FAM117A: variants seen among roughly 807,000 people sequenced by gnomAD.
FAM117A encodes family with sequence similarity 117 member A, also known as protein FAM117A.
FAM117A carries 21 observed loss-of-function variants against 44.1 expected under a neutral mutation model. That is an observed-to-expected ratio of 0.48 (90% CI 0.34 to 0.69). FAM117A has a LOEUF of 0.69. Ranked by LOEUF, FAM117A falls within the 30% of genes least tolerant of loss-of-function variation. The probability of loss-of-function intolerance (pLI) is 0.01; values close to 1 mark genes in which losing one functional copy is unlikely to be tolerated. For synonymous variants in FAM117A, 220 were observed against 238.3 expected (o/e 0.92, Z 0.71); for missense variants, 498 against 589.9 (o/e 0.84, Z 1.61).
In FAM117A at chr17:49,740,876, C is replaced by T. The variant is rs563702831; in HGVS notation, c.197-8156G>A. ...GGCAGGAATGGCATTAGAGGAAAGA[C>T]AGTAGATAATGCAGGAACTGAGGCA... On this transcript the variant is annotated intron_variant, in intron 1 of 7. Coordinates refer to ENST00000240364, the MANE Select transcript of FAM117A (RefSeq NM_030802.4). 4.6e-5 allele frequency among the ~76,000 whole-genome samples: 7 copies of T among 152,306 alleles called. No individual in the cohort carries two copies. The East Asian group carries it at 1.3e-3, about 29-fold the overall frequency.
intron 1 of FAM117A, among the ~76,000 whole-genome samples, chr17:49,786,041 A>T (rs953267942): frequency 6.6e-6 from 1 of 152,118 alleles, no homozygotes; most frequent in Non-Finnish European, 1.5e-5. Flanking sequence ...TTTTTAAAAA[A>T]AGAAGAAGAA....
In FAM117A at chr17:49,749,122, C is replaced by T. The variant is rs543701658; in HGVS notation, c.196+14770G>A. 2.0e-4 allele frequency among the ~76,000 whole-genome samples: 31 copies of T among 152,286 alleles called. 1 individual carries two copies. Among genetic ancestry groups the T allele is most frequent in the African/African-American group, 6.7e-4 (28 of 41,554 alleles). On this transcript the variant is annotated intron_variant, in intron 1 of 7. Coordinates refer to ENST00000240364, the MANE Select transcript of FAM117A (RefSeq NM_030802.4). ...TCACAAGGCGGTGGGTACAAACAAT[C>T]GACTGGTACGTAGCAGAAGAAAGCT... is the stretch of plus-strand genomic sequence containing the variant.
At chr17:49,744,559 A>G (rs2073647110) in intron 1 of FAM117A, among the ~76,000 whole-genome samples, 1 of 151,804 alleles carries the variant, frequency 6.6e-6, no homozygotes, top group Non-Finnish European at 1.5e-5. Flanking sequence ...GGCTCAAGCG[A>G]TTCTCCTGCC....
chr17:49,722,403 G>A, intron 3 of FAM117A, 96 bp downstream of exon 3: 2 of 963,896 alleles, frequency 2.1e-6, no homozygotes, highest in Non-Finnish European at 3.2e-6. Context: ...GGAGAGGTGA[G>A]CAGTGTGACG....
chr17:49,788,265 C>G (rs1227060937), intron 1 of FAM117A, among the ~76,000 whole-genome samples: 1 of 152,150 alleles, frequency 6.6e-6, no homozygotes, highest in Non-Finnish European at 1.5e-5. Flanking sequence ...CAAAACATCC[C>G]TCCGCAACTT....
In FAM117A at chr17:49,722,705, T is replaced by C. The variant is rs576384423; in HGVS notation, c.367-111A>G. ...TGGCCCTTTGAGCCCTTCTCTCTGC[T>C]CATCAACCTCTGAACACTCCCAGTC... is the stretch of plus-strand genomic sequence containing the variant. On this transcript the variant is annotated intron_variant, in intron 2 of 7. Transcript: ENST00000240364. 44 of 801,212 alleles carry C rather than the reference T, an allele frequency of 5.5e-5. No homozygotes were observed. In the African/African-American group the frequency reaches 7.2e-4, roughly 13 times the overall value. The allele number at this position is 801,212 out of a possible 1,614,324, so 49.6% of individuals were successfully genotyped here.
intron 2 of FAM117A, among the ~76,000 whole-genome samples, chr17:49,723,096 G>C (rs1376265123): frequency 6.6e-6 from 1 of 152,076 alleles, no homozygotes; most frequent in Non-Finnish European, 1.5e-5. Flanking sequence ...TGTCAACATA[G>C]GTCCCCTGAC....
At chr17:49,739,729 T>C (rs980934083) in intron 1 of FAM117A, among the ~76,000 whole-genome samples, 3 of 152,194 alleles carry the variant, frequency 2.0e-5, no homozygotes, top group East Asian at 1.9e-4. Flanking sequence ...AATACGACAA[T>C]AGGCTTCCCT....
At chr17:49,783,135 T>A (rs2073794826) in intron 1 of FAM117A, among the ~76,000 whole-genome samples, 2 of 152,238 alleles carry the variant, frequency 1.3e-5, no homozygotes, top group Admixed American at 1.3e-4. Flanking sequence ...GGAGAGACAG[T>A]CTGTTAAAGA....
intron 1 of FAM117A, among the ~76,000 whole-genome samples, chr17:49,748,790 C>A (rs1190484786): frequency 6.6e-6 from 1 of 152,172 alleles, no homozygotes; most frequent in African/African-American, 2.4e-5. Context: ...TTACCCCCAA[C>A]TCTGACAGCT....
intron 1 of FAM117A, among the ~76,000 whole-genome samples, chr17:49,751,943 CAAAAAAAAA>C (rs71146933): frequency 5.3e-5 from 3 of 56,958 alleles, no homozygotes; most frequent in Non-Finnish European, 8.9e-5. Flanking sequence ...GACTCCATCT[CAAAAAAAAA>C]AAAAAAAAAA....
At chr17:49,712,390 C>G (rs766872076) in intron 7 of FAM117A, among the ~76,000 whole-genome samples, 1 of 152,194 alleles carries the variant, frequency 6.6e-6, no homozygotes, top group Non-Finnish European at 1.5e-5. Context: ...CACGACTCCT[C>G]CCCTCTAGTT....
chr17:49,754,287 A>G (rs1232419583), intron 1 of FAM117A, among the ~76,000 whole-genome samples: 1 of 150,978 alleles, frequency 6.6e-6, no homozygotes, highest in Non-Finnish European at 1.5e-5. Flanking sequence ...GCGACCAGAC[A>G]TGCACAGAGC....
chr17:49,761,171 C>T (rs535577655), intron 1 of FAM117A, among the ~76,000 whole-genome samples: 3 of 152,196 alleles, frequency 2.0e-5, no homozygotes, highest in Admixed American at 6.6e-5. Context: ...GAAACAGTGG[C>T]GACCCTTAAT....
upstream of FAM117A, chr17:49,789,094 C>T (rs565932438): frequency 3.5e-4 from 137 of 388,510 alleles, no homozygotes; most frequent in Non-Finnish European, 3.3e-4. Context: ...TAATTGGTCG[C>T]TGAAACGTCT....
chr17:49,756,891 T>G (rs1051485133), intron 1 of FAM117A, among the ~76,000 whole-genome samples: 9 of 146,538 alleles, frequency 6.1e-5, no homozygotes, highest in Admixed American at 6.9e-5. Flanking sequence ...CACTCCAGCT[T>G]GAGCTATAGA....
chr17:49,773,469 A>C (rs2073767423), intron 1 of FAM117A: 1 of 151,070 alleles, frequency 6.6e-6, no homozygotes, highest in African/African-American at 2.4e-5. Context: ...TCCAACCAAA[A>C]AAAAAAAAAA....
At chr17:49,749,132 G>A (rs559206938) in intron 1 of FAM117A, among the ~76,000 whole-genome samples, 47 of 152,284 alleles carry the variant, frequency 3.1e-4, no homozygotes, top group African/African-American at 8.7e-4. Context: ...CGACTGGTAC[G>A]TAGCAGAAGA....
chr17:49,723,765 G>C (rs1189191707), intron 2 of FAM117A, among the ~76,000 whole-genome samples: 2 of 151,904 alleles, frequency 1.3e-5, no homozygotes, highest in Non-Finnish European at 2.9e-5. Context: ...GTATGTGACA[G>C]CTGCAGTGGA....
Sources: gnomAD v4.1 joint callset for allele counts (sites outside exome capture counted in the v4.1 genomes callset) on GRCh38, gnomAD v4.1.1 for gene constraint, MANE v1.5 for transcripts, NCBI Gene and HGNC (gene_info 2026-07-23, HGNC 2026-07-21) for gene names.